ELOVL5: variants seen among roughly 807,000 people sequenced by gnomAD.
ELOVL5 encodes the protein ELOVL fatty acid elongase 5, also known as very long chain fatty acid elongase 5.
In ELOVL5, 8 loss-of-function variants were observed where a neutral mutation model predicts 38.6. The observed-to-expected ratio is 0.21, with a 90% CI of 0.12 to 0.37. ELOVL5 has a LOEUF of 0.37. Among genes scored for constraint, ELOVL5 ranks in the 10% least tolerant of loss-of-function variants. The pLI, the probability that ELOVL5 is intolerant of heterozygous loss-of-function variation, is 1.00. For missense variants in ELOVL5, 280 were observed against 367.8 expected (o/e 0.76, Z 1.95); for synonymous variants, 127 against 133.7 (o/e 0.95, Z 0.34).
At chr6:53,339,651 G>A (rs967406656) in intron 1 of ELOVL5, among the ~76,000 whole-genome samples, 3 of 152,188 alleles carry the variant, frequency 2.0e-5, no homozygotes, top group Non-Finnish European at 4.4e-5. Flanking sequence ...CATTTGTGGT[G>A]ATGTTGGTGT....
rs770672457 is a variant in ELOVL5 at position 53,269,109 on chromosome 6, G to T, written c.*18C>A. On this transcript the variant is annotated 3_prime_UTR_variant, in exon 8 of 8. Transcript: ENST00000304434. ...TACAATCAGATGACGTGGTTTGGAG[G>T]GTTTCAATTCTTTGACTTCAATCCT... 43 of 1,610,498 alleles carry T rather than the reference G, an allele frequency of 2.7e-5. No homozygotes were observed. The highest frequency in any genetic ancestry group is 3.6e-4 in the Middle Eastern group (2 of 5,482).
chr6:53,332,545 C>T (rs1768849351), intron 1 of ELOVL5, among the ~76,000 whole-genome samples: 1 of 152,038 alleles, frequency 6.6e-6, no homozygotes, highest in South Asian at 2.1e-4. Context: ...TACATACAAA[C>T]ATATACACAG....
At position 53,294,902 on chromosome 6, in the gene ELOVL5, CAG is replaced by C. The variant is rs548777502; in HGVS notation, c.58+738_58+739del. Among the ~76,000 whole-genome samples the C allele has an allele frequency of 1.1e-4, 16 of 152,322 alleles. No individual in the cohort carries two copies. The South Asian group carries it at 3.3e-3, about 32-fold the overall frequency. On this transcript the variant is annotated intron_variant, in intron 2 of 7. Coordinates refer to ENST00000304434, the MANE Select transcript of ELOVL5 (RefSeq NM_021814.5). ...AAGGGCATGTGCATTTTAATTCCAA[CAG>C]AAGGCAAAACAGCCTTTCAGAGAGG...
chr6:53,303,722 C>T (rs1007524231), intron 1 of ELOVL5, among the ~76,000 whole-genome samples: 16 of 152,182 alleles, frequency 1.1e-4, no homozygotes, highest in African/African-American at 3.9e-4. Context: ...AATTGTTGTA[C>T]AAAAATACGT....
At chr6:53,318,361 A>G (rs1768143834) in intron 1 of ELOVL5, among the ~76,000 whole-genome samples, 2 of 152,236 alleles carry the variant, frequency 1.3e-5, no homozygotes, top group South Asian at 4.1e-4. Flanking sequence ...CTCACCTGGA[A>G]TATTCTCTTC....
intron 4 of ELOVL5, among the ~76,000 whole-genome samples, chr6:53,275,842 C>T (rs1343991959): frequency 6.6e-6 from 1 of 152,160 alleles, no homozygotes; most frequent in Non-Finnish European, 1.5e-5. Flanking sequence ...TTTAACACCA[C>T]TACTCGGAAA....
chr6:53,294,533 T>G, intron 2 of ELOVL5: 1 of 1,528,248 alleles, frequency 6.5e-7, no homozygotes, highest in South Asian at 1.2e-5. Flanking sequence ...CAAGGATCCT[T>G]GGTTACATCA....
intron 1 of ELOVL5, among the ~76,000 whole-genome samples, chr6:53,297,191 C>T (rs1304070053): frequency 1.3e-5 from 2 of 152,326 alleles, no homozygotes; most frequent in East Asian, 3.9e-4. Flanking sequence ...CCATACCCAT[C>T]TGCCAATAAC....
intron 2 of ELOVL5, among the ~76,000 whole-genome samples, chr6:53,294,933 T>C (rs1412455042): frequency 6.6e-6 from 1 of 152,248 alleles, no homozygotes. Context: ...AGAGAGGTTG[T>C]ACTCTTTCTC....
intron 1 of ELOVL5, among the ~76,000 whole-genome samples, chr6:53,321,083 C>T (rs1196674471): frequency 1.3e-5 from 2 of 152,336 alleles, no homozygotes; most frequent in Non-Finnish European, 1.5e-5. Context: ...AGAAGCTCAT[C>T]CATGCTTGTG....
At chr6:53,314,454 G>A (rs901672787) in intron 1 of ELOVL5, among the ~76,000 whole-genome samples, 1 of 152,184 alleles carries the variant, frequency 6.6e-6, no homozygotes, top group African/African-American at 2.4e-5. Flanking sequence ...AGAAATTATA[G>A]AAATGCATTC....
At chr6:53,329,127 T>C (rs1229461507) in intron 1 of ELOVL5, among the ~76,000 whole-genome samples, 1 of 152,192 alleles carries the variant, frequency 6.6e-6, no homozygotes, top group East Asian at 1.9e-4. Flanking sequence ...AAAATGTTTT[T>C]ATAACTAAGT....
chr6:53,275,810 T>A (rs1345719139), intron 4 of ELOVL5, among the ~76,000 whole-genome samples: 1 of 152,196 alleles, frequency 6.6e-6, no homozygotes, highest in Non-Finnish European at 1.5e-5. Context: ...ACAAACCTCA[T>A]GAGTGGAAGT....
intron 1 of ELOVL5, among the ~76,000 whole-genome samples, chr6:53,320,185 T>C (rs209496): frequency 0.41 from 62,368 of 151,564 alleles, 15,309 homozygotes; most frequent in East Asian, 0.58. Context: ...GGTGTGGTGG[T>C]GCACACCTGT....
intron 1 of ELOVL5, among the ~76,000 whole-genome samples, chr6:53,315,601 A>C (rs577754915): frequency 9.2e-5 from 14 of 152,338 alleles, no homozygotes; most frequent in African/African-American, 2.4e-4. Context: ...TTTGGAAAAT[A>C]ATTTTTTGGA....
Position 53,291,874 on chromosome 6 carries a change from G to A in ELOVL5, c.148C>T (p.Pro50Ser), listed in dbSNP as rs1291979112. 6.2e-7 allele frequency: 1 copy of A among 1,613,316 alleles called. No homozygotes were observed. The change falls in exon 3 of 8, where the codon CCA (proline) becomes TCA (serine). Residue 50 changes from proline to serine, a missense_variant. Pro to Ser is a moderately conservative substitution (Grantham distance 74). Around this residue, in one of 3 missense-constraint regions of ELOVL5, gnomAD observed 150 missense variants for 178.0 expected, o/e 0.84. Coordinates refer to ENST00000304434, the MANE Select transcript of ELOVL5 (RefSeq NM_021814.5). ...GGCTGTTTATTCCTCATGTATTTTG[G>A]TCCCAGCCATACAATTAGTAAATAT... ...VIYLLIVWLG[P>S]KYMRNKQPFS...
chr6:53,329,631 C>G (rs1450211929), intron 1 of ELOVL5, among the ~76,000 whole-genome samples: 1 of 152,134 alleles, frequency 6.6e-6, no homozygotes, highest in Non-Finnish European at 1.5e-5. Context: ...CGAGACCAGC[C>G]TGGCCAACAC....
In ELOVL5 at chr6:53,348,932, A is replaced by C. The variant is rs780009900; in HGVS notation, c.-124T>G. 15 of 437,954 alleles carry C rather than the reference A, an allele frequency of 3.4e-5. No homozygotes were observed. The highest frequency in any genetic ancestry group is 6.0e-5 in the Non-Finnish European group (13 of 218,362). The allele number at this position is 437,954 out of a possible 1,614,324, so 27.1% of individuals were successfully genotyped here. A position where few individuals can be genotyped will look rare whatever the true frequency, so the allele number is the denominator to read the frequency against. The stretch of plus-strand genomic sequence containing the variant: ...GTAGAAGGAGACACCGGTGGCTAGG[A>C]CCCGCGCGATGGGAAGAGGAAGGCG... On this transcript the variant is annotated 5_prime_UTR_variant, in exon 1 of 8. Transcript: ENST00000304434.
At position 53,291,967 on chromosome 6, in the gene ELOVL5, A is replaced by G; in HGVS notation, c.59-4T>C. ...AACCATCCTTTTACTCTAGTATCTG[A>G]AAAATTAAAAAAAATTAATGATATA... On this transcript the variant is annotated splice_region_variant and splice_polypyrimidine_tract_variant and intron_variant, in intron 2 of 7. Coordinates refer to ENST00000304434, the MANE Select transcript of ELOVL5 (RefSeq NM_021814.5). The G allele has an allele frequency of 7.0e-7, 1 of 1,426,274 alleles. No homozygotes were observed. Among genetic ancestry groups the G allele is most frequent in the South Asian group, 1.4e-5 (1 of 70,608 alleles). 88.4% of individuals were successfully genotyped at this position (1,426,274 alleles called of 1,614,324 possible). A position where few individuals can be genotyped will look rare whatever the true frequency, so the allele number is the denominator to read the frequency against.
Sources: gnomAD v4.1 joint callset for allele counts (sites outside exome capture counted in the v4.1 genomes callset) on GRCh38, gnomAD v4.1.1 for gene constraint, gnomAD v4.1.1 regional missense constraint, MANE v1.5 for transcripts, NCBI Gene and HGNC (gene_info 2026-07-23, HGNC 2026-07-21) for gene names.